Variants in TSNARE1 observed in about 807,000 individuals in gnomAD.
TSNARE1 encodes t-SNARE domain containing 1.
Under a neutral mutation model 62.0 loss-of-function variants are expected in TSNARE1, and 49 were observed. The observed-to-expected ratio is 0.79, with a 90% CI of 0.63 to 1.00. TSNARE1 has a LOEUF of 1.00. Among genes scored for constraint, TSNARE1 ranks in the 50% least tolerant of loss-of-function variants. TSNARE1 has a pLI of 0.00. For missense variants in TSNARE1, 755 were observed against 700.1 expected, an observed-to-expected ratio of 1.08 and a Z score of -0.88; for synonymous variants, 328 against 294.4, an observed-to-expected ratio of 1.11 and a Z score of -1.17.
chr8:142,323,996 G>A (rs1260504617), intron 6 of TSNARE1, among the ~76,000 whole-genome samples: 2 of 152,172 alleles, frequency 1.3e-5, no homozygotes, highest in Admixed American at 1.3e-4. Flanking sequence ...CACCCGCCCT[G>A]GACTGCTTCA....
intron 1 of TSNARE1, among the ~76,000 whole-genome samples, chr8:142,356,604 T>C (rs958175142): frequency 6.6e-6 from 1 of 152,160 alleles, no homozygotes; most frequent in Non-Finnish European, 1.5e-5. Flanking sequence ...AAACAGACAC[T>C]ATCCAGAGAG....
intron 9 of TSNARE1, among the ~76,000 whole-genome samples, chr8:142,302,958 G>A (rs917733903): frequency 1.3e-5 from 2 of 152,044 alleles, no homozygotes; most frequent in Non-Finnish European, 2.9e-5. Context: ...CACTAAGCAT[G>A]GAGGCACTAG....
intron 1 of TSNARE1, among the ~76,000 whole-genome samples, chr8:142,373,095 G>A (rs757377756): frequency 4.6e-5 from 7 of 152,142 alleles, no homozygotes; most frequent in South Asian, 2.1e-4. Flanking sequence ...TCTCTCTCTC[G>A]GACTGTGTCT....
chr8:142,380,882 A>C (rs981856923), intron 1 of TSNARE1, among the ~76,000 whole-genome samples: 1 of 151,948 alleles, frequency 6.6e-6, no homozygotes, highest in African/African-American at 2.4e-5. Flanking sequence ...CCTTTTAAGA[A>C]ATAATAAAGG....
At chr8:142,242,476 T>C (rs1324354025) in intron 12 of TSNARE1, among the ~76,000 whole-genome samples, 1 of 152,224 alleles carries the variant, frequency 6.6e-6, no homozygotes, top group African/African-American at 2.4e-5. Context: ...AGTGAAGAGA[T>C]GACCTGCAGA....
chr8:142,255,666 T>C (rs1475381231), intron 12 of TSNARE1, among the ~76,000 whole-genome samples: 5 of 4,136 alleles, frequency 1.2e-3, no homozygotes, highest in Admixed American at 8.2e-3. Flanking sequence ...CCACCACCAC[T>C]GTCACCACCA....
chr8:142,314,042 G>T (rs1828099259), intron 9 of TSNARE1, among the ~76,000 whole-genome samples: 1 of 152,226 alleles, frequency 6.6e-6, no homozygotes, highest in Non-Finnish European at 1.5e-5. Context: ...GCCTCCCACA[G>T]TGCTGGGACT....
chr8:142,317,496 A>G (rs1369776721), intron 7 of TSNARE1, among the ~76,000 whole-genome samples: 1 of 152,234 alleles, frequency 6.6e-6, no homozygotes, highest in African/African-American at 2.4e-5. Context: ...AGAGTCTCAC[A>G]CTGTGCTTAT....
chr8:142,309,598 ATAAAGCCCACTTTATAATGATG>A (rs1166154544), intron 9 of TSNARE1, among the ~76,000 whole-genome samples: 1 of 152,212 alleles, frequency 6.6e-6, no homozygotes, highest in Non-Finnish European at 1.5e-5. Context: ...CATCCCTACA[ATAAAGCCCACTTTATAATGATG>A]GATCATCCTT....
At chr8:142,346,941 C>G (rs569139835) in intron 2 of TSNARE1, among the ~76,000 whole-genome samples, 17 of 152,360 alleles carry the variant, frequency 1.1e-4, no homozygotes, top group Admixed American at 4.6e-4. Context: ...CGGACCCCCA[C>G]GAGGTGGGCG....
chr8:142,255,845 T>C (rs796292179), intron 12 of TSNARE1, among the ~76,000 whole-genome samples: 34 of 9,228 alleles, frequency 3.7e-3, no homozygotes, highest in Admixed American at 8.2e-3. Flanking sequence ...ACCACCACCA[T>C]CACCACCACC....
chr8:142,388,368 T>C (rs527716315), intron 1 of TSNARE1, among the ~76,000 whole-genome samples: 2 of 151,974 alleles, frequency 1.3e-5, no homozygotes, highest in Admixed American at 6.6e-5. Flanking sequence ...TTAGCTACCA[T>C]CATGCTGAAG....
chr8:142,254,538 A>G (rs897429727), intron 12 of TSNARE1, among the ~76,000 whole-genome samples: 3 of 151,824 alleles, frequency 2.0e-5, no homozygotes, highest in Non-Finnish European at 4.4e-5. Context: ...ATCTTGCTTC[A>G]CCTCTCATGT....
chr8:142,287,879 G>A (rs1413546841), intron 10 of TSNARE1, among the ~76,000 whole-genome samples: 3 of 146,172 alleles, frequency 2.1e-5, no homozygotes, highest in South Asian at 2.2e-4. Context: ...CCAGGACCTC[G>A]GCCAGATCTC....
intron 12 of TSNARE1, among the ~76,000 whole-genome samples, chr8:142,233,096 T>C (rs1817207744): frequency 6.6e-6 from 1 of 152,130 alleles, no homozygotes; most frequent in Non-Finnish European, 1.5e-5. Context: ...CAGCCCCCAC[T>C]CATAGGGCTG....
intron 12 of TSNARE1, among the ~76,000 whole-genome samples, chr8:142,257,181 C>T (rs1372856844): frequency 1.3e-5 from 2 of 152,174 alleles, no homozygotes; most frequent in Non-Finnish European, 2.9e-5. Context: ...GTGCCCACTT[C>T]GGGGGTGACC....
intron 1 of TSNARE1, among the ~76,000 whole-genome samples, chr8:142,374,658 C>T (rs1269361845): frequency 6.3e-5 from 9 of 142,590 alleles, no homozygotes; most frequent in Non-Finnish European, 1.1e-4. Flanking sequence ...CCAGCCTGGG[C>T]GACAGAGTGA....
In TSNARE1 at chr8:142,277,204, C is replaced by T. The variant is rs1184517531; in HGVS notation, c.1364-2341G>A. 9.1e-6 allele frequency: 9 copies of T among 985,242 alleles called. No homozygotes were observed. In the East Asian group the frequency reaches 4.5e-4, roughly 50 times the overall value. The allele number at this position is 985,242 out of a possible 1,614,324, so 61.0% of individuals were successfully genotyped here. ...TCCTCCCAACACAGGGGGTGCTCCACGGGGGCCCCTTGCACATCCCCTGAC... is the reference window on the plus strand; with the variant it reads ...TCCTCCCAACACAGGGGGTGCTCCATGGGGGCCCCTTGCACATCCCCTGAC... On this transcript the variant is annotated intron_variant, in intron 11 of 13. Transcript: ENST00000524325.
At chr8:142,221,781 TCACTCATC>T (rs1816244827) in intron 13 of TSNARE1, among the ~76,000 whole-genome samples, 3 of 149,206 alleles carry the variant, frequency 2.0e-5, no homozygotes, top group African/African-American at 7.4e-5. Flanking sequence ...ACTCATTCAC[TCACTCATC>T]CACTCATTCA....
Sources: allele counts gnomAD v4.1 joint callset (sites outside exome capture counted in the v4.1 genomes callset), GRCh38; gene constraint gnomAD v4.1.1; transcripts MANE v1.5; gene names NCBI Gene and HGNC (gene_info 2026-07-23, HGNC 2026-07-21).